Variants in MTMR12 observed in about 807,000 individuals in gnomAD.
MTMR12 encodes myotubularin-related protein 12.
A neutral mutation model predicts 96.7 loss-of-function variants in MTMR12; 33 were observed. That is an observed-to-expected ratio of 0.34 (90% CI 0.26 to 0.46). The LOEUF is 0.46. Among genes scored for constraint, MTMR12 ranks in the 20% least tolerant of loss-of-function variants. MTMR12 has a pLI of 1.00. For missense variants in MTMR12, 721 were observed against 896.1 expected, an observed-to-expected ratio of 0.80 and a Z score of 2.49; for synonymous variants, 298 against 327.2, an observed-to-expected ratio of 0.91 and a Z score of 0.96.
Position 32,228,556 on chromosome 5 carries a change from GATATATATATATCATATATATATC to G in MTMR12, c.*1198_*1221del, listed in dbSNP as rs1747834474. The stretch of plus-strand genomic sequence containing the variant: ...TATGATATATATATCATATATATGT[GATATATATATATCATATATATATC>G]ATATATATGTGATATATATATATAT... On this transcript the variant is annotated 3_prime_UTR_variant, in exon 16 of 16. Transcript: ENST00000382142. The G allele has an allele frequency of 8.1e-6, 1 of 122,764 alleles. No individual in the cohort carries two copies. Among genetic ancestry groups the G allele is most frequent in the Non-Finnish European group, 1.7e-5 (1 of 59,952 alleles). The allele number at this position is 122,764 out of a possible 1,614,324, so 7.6% of individuals were successfully genotyped here. A position where few individuals can be genotyped will look rare whatever the true frequency, so the allele number is the denominator to read the frequency against.
chr5:32,302,549 T>C (rs1464531570), intron 1 of MTMR12, among the ~76,000 whole-genome samples: 1 of 151,966 alleles, frequency 6.6e-6, no homozygotes, highest in African/African-American at 2.4e-5. Context: ...AAACCCCGTC[T>C]CCACCAAAAA....
chr5:32,312,917 C>T lies in MTMR12; in HGVS notation c.-79G>A. The T allele has an allele frequency of 1.5e-6, 2 of 1,322,340 alleles. No individual in the cohort carries two copies. The highest frequency in any genetic ancestry group is 1.5e-5 in the South Asian group (1 of 68,678). The allele number at this position is 1,322,340 out of a possible 1,614,324, so 81.9% of individuals were successfully genotyped here. A position where few individuals can be genotyped will look rare whatever the true frequency, so the allele number is the denominator to read the frequency against. On this transcript the variant is annotated 5_prime_UTR_variant, in exon 1 of 16. The change creates a new upstream start codon in the 5' untranslated region. Transcript: ENST00000382142. This position sits in a 1 kb window ranked among gnomAD's most constrained non-coding sequence, Gnocchi z 5.0. ...CCAGCTGGGGCAGCAGCGGCGGCCACCAGCACTAGCGGCTGGGGCTCCGCC... is the reference window on the plus strand; with the variant it reads ...CCAGCTGGGGCAGCAGCGGCGGCCATCAGCACTAGCGGCTGGGGCTCCGCC...
At chr5:32,261,227 A>C (rs1057508913) in intron 7 of MTMR12, among the ~76,000 whole-genome samples, 9 of 151,946 alleles carry the variant, frequency 5.9e-5, no homozygotes, top group African/African-American at 1.7e-4. Flanking sequence ...AGTGAGACTC[A>C]GTCTCAAAAA....
chr5:32,263,622 G>A (rs145776282), intron 6 of MTMR12, among the ~76,000 whole-genome samples: 3,564 of 152,170 alleles, frequency 0.023, 149 homozygotes, highest in African/African-American at 0.08. Context: ...ATTTTTAGTA[G>A]AGACGGGGTT....
intron 1 of MTMR12, among the ~76,000 whole-genome samples, chr5:32,284,118 G>T (rs1160162488): frequency 6.6e-6 from 1 of 151,818 alleles, no homozygotes. Context: ...ACTAGCCTGG[G>T]CAACATGGCC....
rs1050728787 is a variant in MTMR12 at position 32,271,067 on chromosome 5, G to A, written c.359-120C>T. 51 of 1,206,546 alleles carry A rather than the reference G, an allele frequency of 4.2e-5. No individual in the cohort carries two copies. The Middle Eastern group carries it at 8.9e-4, about 21-fold the overall frequency. The allele number at this position is 1,206,546 out of a possible 1,614,324, so 74.7% of individuals were successfully genotyped here. ...ACTTCCCAAGAATGAGAGGAAAGGT[G>A]CTGCCTGACTTTTAAGTGACTGCCA... On this transcript the variant is annotated intron_variant, in intron 4 of 15. Transcript: ENST00000382142.
intron 1 of MTMR12, among the ~76,000 whole-genome samples, chr5:32,311,621 G>T (rs1034988655): frequency 3.9e-5 from 6 of 152,196 alleles, no homozygotes; most frequent in Non-Finnish European, 7.3e-5. Flanking sequence ...AAACAAGAAG[G>T]CTTCTCATTA....
intron 1 of MTMR12, among the ~76,000 whole-genome samples, chr5:32,310,120 G>T (rs1448321851): frequency 1.3e-5 from 2 of 152,150 alleles, no homozygotes; most frequent in Non-Finnish European, 2.9e-5. Flanking sequence ...TTTGAGAGCA[G>T]CCTGGGCAAA....
chr5:32,284,019 T>C (rs1050747213), intron 1 of MTMR12, among the ~76,000 whole-genome samples: 2 of 152,122 alleles, frequency 1.3e-5, no homozygotes, highest in African/African-American at 4.8e-5. Context: ...TATATAATCT[T>C]GGCCAGGCGC....
At position 32,230,164 on chromosome 5, in the gene MTMR12, A is replaced by G. The variant is rs769513397; in HGVS notation, c.1858T>C (p.Ser620Pro). 6.2e-7 allele frequency: 1 copy of G among 1,614,142 alleles called. No individual in the cohort carries two copies. The highest frequency in any genetic ancestry group is 1.7e-5 in the Admixed American group (1 of 60,002). ...REFYDSWHSK[S>P]TDYHGLLLPH... ...AACAACAAACCATGGTAGTCAGTGG[A>G]CTTGCTATGCCAGCTGTCATAGAAC... is the stretch of plus-strand genomic sequence containing the variant. The change falls in exon 16 of 16, where the codon TCC becomes CCC. Residue 620 changes from serine (S) to proline (P), a missense_variant. Ser to Pro is a moderately conservative substitution (Grantham distance 74). Transcript: ENST00000382142.
intron 10 of MTMR12, among the ~76,000 whole-genome samples, chr5:32,244,296 A>G (rs1400077973): frequency 6.6e-6 from 1 of 151,910 alleles, no homozygotes; most frequent in African/African-American, 2.4e-5. Flanking sequence ...TGAAAAGAAA[A>G]AAAAAAAAAA....
Position 32,228,532 on chromosome 5 carries a change from A to ATGTGATATATATATCATATATATG in MTMR12, c.*1245_*1246insCATATATATGATATATATATCACA, listed in dbSNP as rs202005526. 7.1e-6 allele frequency: 1 copy of ATGTGATATATATATCATATATATG among 140,904 alleles called. No homozygotes were observed. Among genetic ancestry groups the ATGTGATATATATATCATATATATG allele is most frequent in the African/African-American group, 2.8e-5 (1 of 36,174 alleles). 8.7% of individuals were successfully genotyped at this position (140,904 alleles called of 1,614,324 possible). On this transcript the variant is annotated 3_prime_UTR_variant, in exon 16 of 16. Transcript: ENST00000382142. ...ATTAAAAAAAATATATATCATATAT[A>ATGTGATATATATATCATATATATG]TGATATATATATCATATATATGTGA...
At chr5:32,230,836 G>C (rs1747966873) in intron 15 of MTMR12, among the ~76,000 whole-genome samples, 1 of 152,232 alleles carries the variant, frequency 6.6e-6, no homozygotes. Context: ...CTAACTACCA[G>C]AAGATACTAT....
Position 32,234,949 on chromosome 5 carries a change from G to A in MTMR12, c.1512+13C>T, listed in dbSNP as rs183002479. 1.1e-4 allele frequency: 183 copies of A among 1,604,394 alleles called. No individual in the cohort carries two copies. In the African/African-American group the frequency reaches 1.9e-3, roughly 17 times the overall value. ...GCCTCTTTAATACACAGGTTCCTAA[G>A]AGGGACTCTTACCATGTTAGTATCT... On this transcript the variant is annotated intron_variant, in intron 14 of 15. Coordinates refer to ENST00000382142, the MANE Select transcript of MTMR12 (RefSeq NM_001040446.3).
intron 15 of MTMR12, among the ~76,000 whole-genome samples, chr5:32,231,381 C>CAAAAAAAAAAAA (rs548654471): frequency 1.3e-4 from 6 of 47,224 alleles, no homozygotes; most frequent in African/African-American, 4.4e-4. Flanking sequence ...CTCTGGCTCG[C>CAAAAAAAAAAAA]AAAAAAAAAA....
intron 3 of MTMR12, 92 bp downstream of exon 3, chr5:32,273,888 G>C: frequency 6.5e-7 from 1 of 1,543,190 alleles, no homozygotes; most frequent in Non-Finnish European, 8.8e-7. Flanking sequence ...GTGTGTTAGG[G>C]GGTAGAGTAA....
At chr5:32,242,005 A>C in intron 12 of MTMR12, 52 bp downstream of exon 12, 1 of 1,471,370 alleles carries the variant, frequency 6.8e-7, no homozygotes, top group South Asian at 1.2e-5. Flanking sequence ...ACAAAAATTG[A>C]ATCTCAAGTG....
chr5:32,274,659 G>A (rs939155207), intron 2 of MTMR12, among the ~76,000 whole-genome samples: 4 of 152,162 alleles, frequency 2.6e-5, no homozygotes, highest in African/African-American at 9.7e-5. Flanking sequence ...TCCAGGAGGT[G>A]TTGCCGCCTT....
chr5:32,275,743 A>G (rs1211290553), intron 2 of MTMR12, among the ~76,000 whole-genome samples: 1 of 152,232 alleles, frequency 6.6e-6, no homozygotes, highest in Admixed American at 6.5e-5. Context: ...TGCTAAGCTA[A>G]AAATAAAATT....
Sources: allele counts gnomAD v4.1 joint callset (sites outside exome capture counted in the v4.1 genomes callset), GRCh38; gene constraint gnomAD v4.1.1; non-coding constraint Gnocchi (gnomAD v3.1); transcripts MANE v1.5; gene names NCBI Gene and HGNC (gene_info 2026-07-23, HGNC 2026-07-21).